PLIN3: variants seen among roughly 807,000 people sequenced by gnomAD.
PLIN3 encodes perilipin-3.
PLIN3 carries 30 observed loss-of-function variants against 35.9 expected under a neutral mutation model. The observed-to-expected ratio is 0.84, with a 90% CI of 0.62 to 1.13. The LOEUF is 1.13. PLIN3 is among the 50% of genes most tolerant of loss of function. The pLI is 0.00. For missense variants in PLIN3, 603 were observed against 596.9 expected (o/e 1.01, Z -0.11); for synonymous variants, 261 against 262.5 (o/e 0.99, Z 0.06).
chr19:4,867,285 CTG>C (rs1257331364), intron 1 of PLIN3, among the ~76,000 whole-genome samples: 2 of 152,238 alleles, frequency 1.3e-5, no homozygotes. Flanking sequence ...CAAAAGCAAA[CTG>C]TTCAAAATTT....
In PLIN3 at chr19:4,849,548, C is replaced by G. The variant is rs927715579; in HGVS notation, c.635-1658G>C. 3.3e-5 allele frequency among the ~76,000 whole-genome samples: 5 copies of G among 152,158 alleles called. No individual in the cohort carries two copies. The South Asian group carries it at 1.0e-3, about 32-fold the overall frequency. On this transcript the variant is annotated intron_variant, in intron 5 of 7. Coordinates refer to ENST00000221957, the MANE Select transcript of PLIN3 (RefSeq NM_005817.5). Reference sequence around the variant, plus strand: ...CTGGAACTACTGGGCTTAACTAATCCTCCCACCAAAGTGCTGGGATGACAG... The same window carrying G: ...CTGGAACTACTGGGCTTAACTAATCGTCCCACCAAAGTGCTGGGATGACAG...
In PLIN3 at chr19:4,852,162, T is replaced by A. The variant is rs776201767; in HGVS notation, c.488A>T (p.Asp163Val). 1 of 1,613,974 alleles carries A rather than the reference T, an allele frequency of 6.2e-7. No homozygotes were observed. The highest frequency in any genetic ancestry group is 8.5e-7 in the Non-Finnish European group (1 of 1,179,988). ...GCCGGTCACTACGGACTTTGTCTTG[T>A]CCACGCCGCTCTGCACAGCACCGCG... is the stretch of plus-strand genomic sequence containing the variant. Reference protein sequence around the residue: ...ATRGAVQSGVDKTKSVVTGGV... With the variant: ...ATRGAVQSGVVKTKSVVTGGV... Residue 163 changes from aspartate (D) to valine (V), a missense_variant, in exon 5 of 8, where the codon GAC becomes GTC. By Grantham distance (152) the Asp-to-Val change is radical. Transcript: ENST00000221957.
In PLIN3 at chr19:4,847,842, T is replaced by C. The variant is rs2030157941; in HGVS notation, c.683A>G (p.Gln228Arg). Residue 228 changes from glutamine to arginine, a missense_variant, in exon 6 of 8, where the codon CAG (glutamine) becomes CGG (arginine). By Grantham distance (43) the Gln-to-Arg change is conservative. Transcript: ENST00000221957. ...GAAGTAGCTCTGTTCCTGCCGCTGC[T>C]GCTGCACGGACGCGACGTCAAAGCC... ...LDGFDVASVQQQRQEQSYFVR... is the reference protein window; with the variant it reads ...LDGFDVASVQRQRQEQSYFVR... The C allele has an allele frequency of 1.2e-6, 2 of 1,613,974 alleles. No individual in the cohort carries two copies. Among genetic ancestry groups the C allele is most frequent in the Admixed American group, 3.3e-5 (2 of 59,936 alleles).
At chr19:4,852,850 C>T (rs919634860) in intron 4 of PLIN3, among the ~76,000 whole-genome samples, 4 of 150,794 alleles carry the variant, frequency 2.7e-5, no homozygotes, top group South Asian at 4.2e-4. Context: ...GTTTCACTCT[C>T]GTTGCCCAGG....
intron 4 of PLIN3, among the ~76,000 whole-genome samples, chr19:4,854,592 A>G (rs1428458203): frequency 4.6e-5 from 7 of 151,746 alleles, no homozygotes; most frequent in Non-Finnish European, 1.0e-4. Context: ...TTTAGTAGAG[A>G]CGGGGTTTCA....
In PLIN3 at chr19:4,859,945, G is replaced by T. The variant is rs1423037853; in HGVS notation, c.146C>A (p.Thr49Asn). The change falls in exon 3 of 8, where the codon ACC (threonine) becomes AAC (asparagine). Residue 49 changes from threonine (T) to asparagine (N), a missense_variant. By Grantham distance (65) the Thr-to-Asn change is moderately conservative. Coordinates refer to ENST00000221957, the MANE Select transcript of PLIN3 (RefSeq NM_005817.5). Reference sequence around the variant, plus strand: ...CTTGATGTGCGGGTAGCTCTCCTTGGTGGAGGCATAGGCTGCGGACACCAT... The same window carrying T: ...CTTGATGTGCGGGTAGCTCTCCTTGTTGGAGGCATAGGCTGCGGACACCAT... ...CDMVSAAYAS[T>N]KESYPHIKTV... 5 of 1,613,966 alleles carry T rather than the reference G, an allele frequency of 3.1e-6. No homozygotes were observed. The highest frequency in any genetic ancestry group is 4.2e-6 in the Non-Finnish European group (5 of 1,179,996).
intron 6 of PLIN3, among the ~76,000 whole-genome samples, chr19:4,846,634 G>T (rs1157403576): frequency 6.6e-6 from 1 of 151,812 alleles, no homozygotes; most frequent in Non-Finnish European, 1.5e-5. Flanking sequence ...GGGAAGTGGA[G>T]GTTGCAGTGA....
chr19:4,858,420 C>A (rs1232423928), intron 4 of PLIN3, among the ~76,000 whole-genome samples: 2 of 151,688 alleles, frequency 1.3e-5, no homozygotes, highest in Non-Finnish European at 2.9e-5. Context: ...CTCTGTCGCC[C>A]AGGCTGGAGT....
At chr19:4,860,204 C>CT (rs943485471) in intron 2 of PLIN3, among the ~76,000 whole-genome samples, 180 bp from the exon 3 acceptor site, 7 of 152,088 alleles carry the variant, frequency 4.6e-5, no homozygotes, top group Non-Finnish European at 7.4e-5. Context: ...CACGTGCTTC[C>CT]TTTATTTTTA....
At position 4,859,595 on chromosome 19, in the gene PLIN3, C is replaced by T. The variant is rs761914829; in HGVS notation, c.343G>A (p.Glu115Lys). Residue 115 changes from glutamate (E) to lysine (K), a missense_variant, in exon 4 of 8, where the codon GAG becomes AAG. Transcript: ENST00000221957. The stretch of plus-strand genomic sequence containing the variant: ...CTGAGGACGGACATCGTTACCTTCT[C>T]CGTGGGCTGCTGCAGGATGGGGAGG... ...ENLPILQQPT[E>K]KVLADTKELV... 4.3e-6 allele frequency: 7 copies of T among 1,614,050 alleles called. No individual in the cohort carries two copies. The South Asian group carries it at 7.7e-5, about 18-fold the overall frequency.
At chr19:4,861,630 CT>C (rs940914509) in intron 1 of PLIN3, among the ~76,000 whole-genome samples, 115 of 147,476 alleles carry the variant, frequency 7.8e-4, no homozygotes, top group African/African-American at 1.8e-3. Context: ...CCCCCTATTT[CT>C]TTTTTTTTTT....
At chr19:4,841,357 A>C (rs2029888357) in intron 7 of PLIN3, among the ~76,000 whole-genome samples, 1 of 152,124 alleles carries the variant, frequency 6.6e-6, no homozygotes, top group Non-Finnish European at 1.5e-5. Context: ...GAGAAGCCGG[A>C]CACAAAAGGC....
At chr19:4,840,750 G>A (rs2029879530) in intron 7 of PLIN3, among the ~76,000 whole-genome samples, 1 of 152,140 alleles carries the variant, frequency 6.6e-6, no homozygotes, top group Non-Finnish European at 1.5e-5. Flanking sequence ...CAGGAGTTCA[G>A]CCTGACCAAC....
chr19:4,844,441 G>C (rs1451367258), intron 7 of PLIN3, among the ~76,000 whole-genome samples: 7 of 152,138 alleles, frequency 4.6e-5, no homozygotes, highest in Non-Finnish European at 8.8e-5. Context: ...ACTCCAGCCT[G>C]GGTGACAGAG....
intron 5 of PLIN3, among the ~76,000 whole-genome samples, chr19:4,848,559 A>T (rs756956999): frequency 6.6e-6 from 1 of 152,210 alleles, no homozygotes; most frequent in Non-Finnish European, 1.5e-5. Flanking sequence ...TATACTACAG[A>T]GGTCCCATAA....
chr19:4,860,499 A>G (rs956208497), intron 2 of PLIN3, among the ~76,000 whole-genome samples: 1 of 151,662 alleles, frequency 6.6e-6, no homozygotes, highest in African/African-American at 2.4e-5. Flanking sequence ...CACCGCACTC[A>G]GCCCACGTGC....
At chr19:4,859,745 A>G (rs748210637) in intron 3 of PLIN3, 73 bp from the exon 4 acceptor site, 816 of 1,599,830 alleles carry the variant, frequency 5.1e-4, no homozygotes, top group Non-Finnish European at 6.4e-4. Flanking sequence ...GGACAGGACC[A>G]AGAGCTGGGT....
At chr19:4,848,297 T>G (rs1214239194) in intron 5 of PLIN3, among the ~76,000 whole-genome samples, 1 of 152,170 alleles carries the variant, frequency 6.6e-6, no homozygotes, top group African/African-American at 2.4e-5. Context: ...CTGTCCAGTT[T>G]ATAACCCAGT....
Position 4,858,109 on chromosome 19 carries a change from C to CTA in PLIN3, c.348+1479_348+1480dup, listed in dbSNP as rs1049773208. On this transcript the variant is annotated intron_variant, in intron 4 of 7. Transcript: ENST00000221957. ...CCAACTTGGTGAAACCCCGTCTCTACTAAAAATACAAAAATTAGCTAGGCG... is the reference window on the plus strand; with the variant it reads ...CCAACTTGGTGAAACCCCGTCTCTACTATAAAAATACAAAAATTAGCTAGGCG... 4.6e-4 allele frequency among the ~76,000 whole-genome samples: 70 copies of CTA among 151,454 alleles called. 1 individual carries two copies. The highest frequency in any genetic ancestry group is 1.6e-3 in the African/African-American group (68 of 41,226).
Sources: allele counts gnomAD v4.1 joint callset (sites outside exome capture counted in the v4.1 genomes callset), GRCh38; gene constraint gnomAD v4.1.1; transcripts MANE v1.5; gene names NCBI Gene and HGNC (gene_info 2026-07-23, HGNC 2026-07-21).